Variants in MAP2K1 observed in about 807,000 individuals in gnomAD.
MAP2K1 encodes the protein mitogen-activated protein kinase kinase 1, also known as dual specificity mitogen-activated protein kinase kinase 1.
MAP2K1 carries 16 observed loss-of-function variants against 46.3 expected under a neutral mutation model. That is an observed-to-expected ratio of 0.35 (90% CI 0.23 to 0.52). MAP2K1 has a LOEUF of 0.52. Ranked by LOEUF, MAP2K1 falls within the 20% of genes least tolerant of loss-of-function variation. MAP2K1 has a pLI of 0.94. For synonymous variants in MAP2K1, 183 were observed against 185.6 expected, an observed-to-expected ratio of 0.99 and a Z score of 0.11; for missense variants, 263 against 497.1, an observed-to-expected ratio of 0.53 and a Z score of 4.48.
intron 10 of MAP2K1, 32 bp downstream of exon 10, chr15:66,489,795 C>A (rs1240173022): frequency 1.3e-6 from 2 of 1,563,696 alleles, no homozygotes; most frequent in Non-Finnish European, 1.8e-6. Context: ...TCTTACAGTA[C>A]CTGTTTATTC....
At chr15:66,435,428 CGATTCTCCTGCCTCAGCCTCCT>C (rs1379489887) in intron 2 of MAP2K1, among the ~76,000 whole-genome samples, 191 bp downstream of exon 2, 1 of 150,126 alleles carries the variant, frequency 6.7e-6, no homozygotes, top group African/African-American at 2.5e-5. Flanking sequence ...TGGGTTCAAA[CGATTCTCCTGCCTCAGCCTCCT>C]GAGTAGCTGG....
At chr15:66,490,226 A>G (rs1393900138) in intron 10 of MAP2K1, 2 of 586,654 alleles carry the variant, frequency 3.4e-6, no homozygotes, top group African/African-American at 1.9e-5. Context: ...TGTCCCTTCT[A>G]ACAAGCCTGT....
At chr15:66,435,835 C>T (rs941664724) in intron 2 of MAP2K1, among the ~76,000 whole-genome samples, 5 of 152,164 alleles carry the variant, frequency 3.3e-5, no homozygotes, top group African/African-American at 9.7e-5. Context: ...CCAGCCCCAG[C>T]GATGCACAAA....
intron 7 of MAP2K1, 62 bp downstream of exon 7, chr15:66,485,253 G>C (rs114380446): frequency 1.4e-6 from 2 of 1,445,264 alleles, no homozygotes; most frequent in East Asian, 2.3e-5. Flanking sequence ...TACTTTCAGG[G>C]GTTTCTGGAG....
At chr15:66,490,055 A>G in intron 10 of MAP2K1, 1 of 556,478 alleles carries the variant, frequency 1.8e-6, no homozygotes, top group Non-Finnish European at 3.2e-6. Context: ...CCTTTCCCTA[A>G]TACTGACTGC....
chr15:66,487,886 T>C (rs1032806054), intron 8 of MAP2K1, among the ~76,000 whole-genome samples: 1 of 152,200 alleles, frequency 6.6e-6, no homozygotes, highest in Admixed American at 6.5e-5. Context: ...AGATACGCCA[T>C]TGCGTCTCCT....
intron 10 of MAP2K1, chr15:66,490,261 T>A: frequency 1.5e-6 from 1 of 650,438 alleles, no homozygotes; most frequent in Admixed American, 2.3e-5. Flanking sequence ...AGAGTTACTG[T>A]CTCCATACTG....
chr15:66,398,573 G>A (rs920979352), intron 1 of MAP2K1, among the ~76,000 whole-genome samples: 2 of 151,452 alleles, frequency 1.3e-5, no homozygotes, highest in Non-Finnish European at 2.9e-5. Flanking sequence ...GATCATTTGA[G>A]CTTGGGAGGT....
chr15:66,399,123 T>C (rs2086257548), intron 1 of MAP2K1, among the ~76,000 whole-genome samples: 1 of 152,154 alleles, frequency 6.6e-6, no homozygotes, highest in Admixed American at 6.5e-5. Flanking sequence ...TATAGGAGAA[T>C]TCATATTCAT....
chr15:66,428,669 T>A (rs764138545), intron 1 of MAP2K1, among the ~76,000 whole-genome samples: 16 of 152,002 alleles, frequency 1.1e-4, no homozygotes, highest in Admixed American at 7.9e-4. Flanking sequence ...ACACGTAAAA[T>A]TAACCATCAC....
intron 1 of MAP2K1, chr15:66,402,094 C>A: frequency 1.2e-6 from 1 of 840,226 alleles, no homozygotes; most frequent in Non-Finnish European, 1.7e-6. Flanking sequence ...GTGGTTACTA[C>A]ATTGTTCCAT....
intron 1 of MAP2K1, among the ~76,000 whole-genome samples, chr15:66,409,285 C>T (rs2093405608): frequency 6.6e-6 from 1 of 152,182 alleles, no homozygotes; most frequent in Admixed American, 6.5e-5. Flanking sequence ...AGTCCCATCC[C>T]AGCCCAAAGG....
chr15:66,401,784 GAA>G (rs2093382332), intron 1 of MAP2K1: 1 of 516,466 alleles, frequency 1.9e-6, no homozygotes, highest in African/African-American at 1.9e-5. Flanking sequence ...ACTGGGTCTT[GAA>G]GGATGGCTAG....
chr15:66,441,519 A>C (rs1231219634), intron 3 of MAP2K1, among the ~76,000 whole-genome samples: 1 of 151,846 alleles, frequency 6.6e-6, no homozygotes, highest in Admixed American at 6.6e-5. Flanking sequence ...AAAAAAATCA[A>C]AAATAGCTGG....
chr15:66,395,573 A>ATTT lies in MAP2K1; in HGVS notation c.80+8163_80+8165dup, dbSNP rs58172562. On this transcript the variant is annotated intron_variant, in intron 1 of 10. Coordinates refer to ENST00000307102, the MANE Select transcript of MAP2K1 (RefSeq NM_002755.4). ...ATGCCCTCCTCCACTTTCTTGCATGATTTTTTTTTTTTTTTTTTTGAGACG... is the reference window on the plus strand; with the variant it reads ...ATGCCCTCCTCCACTTTCTTGCATGATTTTTTTTTTTTTTTTTTTTTTGAGACG... Among the ~76,000 whole-genome samples, 19 of 98,560 alleles carry ATTT rather than the reference A, an allele frequency of 1.9e-4. 1 individual carries two copies. The highest frequency in any genetic ancestry group is 5.5e-4 in the Admixed American group (5 of 9,078). The allele number at this position is 98,560 out of a possible 152,430, so 64.7% of individuals were successfully genotyped here. A position where few individuals can be genotyped will look rare whatever the true frequency, so the allele number is the denominator to read the frequency against.
chr15:66,489,185 C>A (rs778556762), intron 8 of MAP2K1, 30 bp from the exon 9 acceptor site: 1 of 1,587,586 alleles, frequency 6.3e-7, no homozygotes, highest in South Asian at 1.1e-5. Flanking sequence ...AGGAGCCAGG[C>A]ATTTTTCTTA....
intron 5 of MAP2K1, among the ~76,000 whole-genome samples, chr15:66,479,591 A>G (rs535064758): frequency 4.6e-5 from 7 of 152,284 alleles, no homozygotes; most frequent in Non-Finnish European, 8.8e-5. Context: ...GGGGAGTGAC[A>G]TGATGAGGGC....
intron 5 of MAP2K1, among the ~76,000 whole-genome samples, chr15:66,447,529 A>G (rs1336249254): frequency 6.6e-6 from 1 of 150,696 alleles, no homozygotes; most frequent in East Asian, 2.0e-4. Flanking sequence ...CGTCTCCACT[A>G]AAAACACAAA....
chr15:66,392,622 C>G (rs886751175), intron 1 of MAP2K1, among the ~76,000 whole-genome samples: 4 of 146,870 alleles, frequency 2.7e-5, no homozygotes, highest in Non-Finnish European at 5.9e-5. Context: ...GGCATGATCT[C>G]GGCTCACCGC....
Sources: allele counts gnomAD v4.1 joint callset (sites outside exome capture counted in the v4.1 genomes callset), GRCh38; gene constraint gnomAD v4.1.1; transcripts MANE v1.5; gene names NCBI Gene and HGNC (gene_info 2026-07-23, HGNC 2026-07-21).